The following OR1B1 variants were observed in gnomAD, a reference collection of about 807,000 sequenced individuals.
The protein encoded by OR1B1 is olfactory receptor 1B1.
For synonymous variants in OR1B1, 168 were observed against 156.2 expected (o/e 1.08, Z -0.57); for missense variants, 414 against 402.1 (o/e 1.03, Z -0.25).
upstream of OR1B1, among the ~76,000 whole-genome samples, chr9:122,633,394 TC>T (rs1480418459): frequency 6.6e-6 from 1 of 152,126 alleles, no homozygotes; most frequent in Non-Finnish European, 1.5e-5. Flanking sequence ...GTTTTGGCAA[TC>T]ATTTTCTGGA....
At chr9:122,633,144 G>T (rs931580828), upstream of OR1B1, among the ~76,000 whole-genome samples, 1 of 152,006 alleles carries the variant, frequency 6.6e-6, no homozygotes, top group Non-Finnish European at 1.5e-5. Context: ...ATGAGATTTG[G>T]GTGGGGACAC....
chr9:122,648,220 C>T, the OR1B1 span, among the ~76,000 whole-genome samples: 8 of 152,218 alleles, frequency 5.3e-5, no homozygotes, highest in Admixed American at 2.6e-4. Flanking sequence ...ATGATCAAGT[C>T]GGCTTCATCC....
At chr9:122,633,604 A>AAATAAT (rs911473606), upstream of OR1B1, among the ~76,000 whole-genome samples, 1 of 151,884 alleles carries the variant, frequency 6.6e-6, no homozygotes, top group Non-Finnish European at 1.5e-5. Context: ...CTCAATAGCA[A>AAATAAT]AATAATAATA....
chr9:122,642,041 G>A, the OR1B1 span, among the ~76,000 whole-genome samples: 2 of 152,110 alleles, frequency 1.3e-5, no homozygotes, highest in African/African-American at 2.4e-5. Flanking sequence ...AGAAGGGTAG[G>A]AATGTGGACA....
chr9:122,628,836 A>C (rs1277790831), exon 1 of OR1B1: 5 of 1,614,142 alleles, frequency 3.1e-6, no homozygotes, highest in Non-Finnish European at 3.4e-6. Flanking sequence ...GCTGAAGGCA[A>C]ACGTAGAATA....
At chr9:122,645,923 T>C in the OR1B1 span, among the ~76,000 whole-genome samples, 978 of 152,262 alleles carry the variant, frequency 6.4e-3, 9 homozygotes, top group African/African-American at 0.023. Context: ...AATTGTGGTA[T>C]GTAAACTTCT....
chr9:122,628,552 T>C, downstream of OR1B1: 1 of 1,448,536 alleles, frequency 6.9e-7, no homozygotes, highest in Non-Finnish European at 9.6e-7. Context: ...TTTTCTCACC[T>C]ATTCAATATG....
At chr9:122,644,191 A>T in the OR1B1 span, among the ~76,000 whole-genome samples, 1 of 152,176 alleles carries the variant, frequency 6.6e-6, no homozygotes, top group African/African-American at 2.4e-5. Context: ...TTCTTGGATA[A>T]CATTTCTGGA....
chr9:122,637,134 T>C, the OR1B1 span: 2 of 152,180 alleles, frequency 1.3e-5, no homozygotes, highest in Non-Finnish European at 2.9e-5. Context: ...GAAACCTGCA[T>C]TAGGGAAAGA....
chr9:122,641,572 C>T, the OR1B1 span, among the ~76,000 whole-genome samples: 4 of 152,074 alleles, frequency 2.6e-5, no homozygotes, highest in African/African-American at 9.7e-5. Flanking sequence ...CATAAGGACC[C>T]ATGGAAGCAG....
At chr9:122,640,102 T>C in the OR1B1 span, among the ~76,000 whole-genome samples, 1 of 152,194 alleles carries the variant, frequency 6.6e-6, no homozygotes, top group Non-Finnish European at 1.5e-5. Flanking sequence ...ACTGGAATTT[T>C]AACACGAAGA....
chr9:122,632,965 C>A (rs2118813096), upstream of OR1B1, among the ~76,000 whole-genome samples: 1 of 152,274 alleles, frequency 6.6e-6, no homozygotes, highest in South Asian at 2.1e-4. Context: ...TTGAAAGGCA[C>A]ATCTCACATG....
the OR1B1 span, among the ~76,000 whole-genome samples, chr9:122,651,043 G>T: frequency 3.3e-5 from 5 of 151,694 alleles, no homozygotes; most frequent in Non-Finnish European, 7.4e-5. Context: ...AAAATGGTTT[G>T]TCCCAAAGTA....
upstream of OR1B1, among the ~76,000 whole-genome samples, chr9:122,630,178 C>T (rs1303696003): frequency 6.6e-6 from 1 of 152,230 alleles, no homozygotes; most frequent in East Asian, 1.9e-4. Flanking sequence ...AAAGAGGAAG[C>T]CAAATTATCC....
upstream of OR1B1, among the ~76,000 whole-genome samples, chr9:122,633,729 A>G (rs1830226827): frequency 6.6e-6 from 1 of 151,984 alleles, no homozygotes; most frequent in Non-Finnish European, 1.5e-5. Flanking sequence ...CAGGAGTTTG[A>G]GACCAGCCTG....
the OR1B1 span, among the ~76,000 whole-genome samples, chr9:122,636,597 C>A: frequency 1.1e-4 from 17 of 152,148 alleles, no homozygotes; most frequent in Non-Finnish European, 2.2e-4. Flanking sequence ...GCCTGGGCAA[C>A]AAGAATGAAA....
chr9:122,657,040 A>G, the OR1B1 span, among the ~76,000 whole-genome samples: 1 of 151,810 alleles, frequency 6.6e-6, no homozygotes, highest in Non-Finnish European at 1.5e-5. Flanking sequence ...TTTCATTTTT[A>G]TATAGATTTT....
At chr9:122,650,413 T>TA in the OR1B1 span, among the ~76,000 whole-genome samples, 3,706 of 150,696 alleles carry the variant, frequency 0.025, 150 homozygotes, top group East Asian at 0.19. Flanking sequence ...AAATGAAAAT[T>TA]AAAAAAATAT....
chr9:122,631,250 C>T (rs143234506), upstream of OR1B1, among the ~76,000 whole-genome samples: 15,745 of 151,894 alleles, frequency 0.1, 1,069 homozygotes, highest in Non-Finnish European at 0.15. Flanking sequence ...GATCTCGGCT[C>T]ACTGCAAGCT....
Sources: allele counts gnomAD v4.1 joint callset (sites outside exome capture counted in the v4.1 genomes callset), GRCh38; gene constraint gnomAD v4.1.1; transcripts MANE v1.5; gene names NCBI Gene and HGNC (gene_info 2026-07-23, HGNC 2026-07-21).